Variants in HSD17B12 observed in about 807,000 individuals in gnomAD.
The protein encoded by HSD17B12 is hydroxysteroid 17-beta dehydrogenase 12.
Under a neutral mutation model 39.3 loss-of-function variants are expected in HSD17B12, and 32 were observed. That is an observed-to-expected ratio of 0.81 (90% CI 0.61 to 1.09). The LOEUF (loss-of-function observed/expected upper bound fraction) is 1.09. HSD17B12 is among the 50% of genes least tolerant of loss of function. The probability of loss-of-function intolerance (pLI) is 0.00; values close to 1 mark genes in which losing one functional copy is unlikely to be tolerated. For missense variants in HSD17B12, 342 were observed against 382.9 expected (o/e 0.89, Z 0.89); for synonymous variants, 150 against 146.7 (o/e 1.02, Z -0.16).
chr11:43,815,142 T>G (rs1951109874), intron 4 of HSD17B12, among the ~76,000 whole-genome samples: 2 of 152,102 alleles, frequency 1.3e-5, no homozygotes, highest in African/African-American at 4.8e-5. Context: ...AATAACAGTA[T>G]GATAGAGGCA....
rs185759173 is a variant in HSD17B12, at chr11:43,841,755, C to T, written c.684+1691C>T. On this transcript the variant is annotated intron_variant, in intron 9 of 10. Coordinates refer to ENST00000278353, the MANE Select transcript of HSD17B12 (RefSeq NM_016142.3). ...ATTTGTACCTCTTTGCTGCTCCTGC[C>T]TATCAGCTACCCCACCTCTGTGCAC... 9.2e-4 allele frequency among the ~76,000 whole-genome samples: 140 copies of T among 152,272 alleles called. 2 individuals carry two copies. Among genetic ancestry groups the T allele is most frequent in the Admixed American group, 9.0e-3 (137 of 15,294 alleles).
the HSD17B12 span, among the ~76,000 whole-genome samples, chr11:43,609,014 TC>T: frequency 6.6e-6 from 1 of 152,090 alleles, no homozygotes; most frequent in Non-Finnish European, 1.5e-5. Flanking sequence ...AGCCTCGACC[TC>T]CTTGGGCTCA....
chr11:43,609,838 G>C, the HSD17B12 span, among the ~76,000 whole-genome samples: 1 of 152,192 alleles, frequency 6.6e-6, no homozygotes, highest in Non-Finnish European at 1.5e-5. Context: ...TGAGAGGCTT[G>C]TACTACATGG....
the HSD17B12 span, among the ~76,000 whole-genome samples, chr11:43,571,582 T>C: frequency 6.6e-6 from 1 of 152,166 alleles, no homozygotes; most frequent in Non-Finnish European, 1.5e-5. Context: ...AGGAGGGCAT[T>C]TGAGTTTGCC....
At chr11:43,757,715 A>T (rs1370149583) in intron 3 of HSD17B12, among the ~76,000 whole-genome samples, 1 of 135,788 alleles carries the variant, frequency 7.4e-6, no homozygotes, top group Non-Finnish European at 1.6e-5. Flanking sequence ...AAAAGCACAC[A>T]CAAAAAAAAC....
chr11:43,713,177 C>A (rs1007402527), intron 1 of HSD17B12, among the ~76,000 whole-genome samples: 1 of 152,112 alleles, frequency 6.6e-6, no homozygotes, highest in Non-Finnish European at 1.5e-5. Flanking sequence ...ATGTGCACAA[C>A]GTGCAGGTTT....
At chr11:43,816,767 T>A (rs10838180) in intron 6 of HSD17B12, among the ~76,000 whole-genome samples, 3 of 151,544 alleles carry the variant, frequency 2.0e-5, no homozygotes, top group African/African-American at 7.3e-5. Flanking sequence ...TCCCTTACCC[T>A]CTTCCACCCT....
chr11:43,710,094 C>T (rs1950050954), intron 1 of HSD17B12, among the ~76,000 whole-genome samples: 4 of 152,108 alleles, frequency 2.6e-5, no homozygotes, highest in Admixed American at 2.6e-4. Context: ...TTGGGAGATA[C>T]GTTTCCCTAA....
At chr11:43,670,754 G>A in the HSD17B12 span, among the ~76,000 whole-genome samples, 153 of 152,106 alleles carry the variant, frequency 1.0e-3, no homozygotes, top group African/African-American at 3.5e-3. Flanking sequence ...GTGTGGTGCT[G>A]TGTGCCTGTA....
chr11:43,788,979 G>A (rs1451648208), intron 3 of HSD17B12, among the ~76,000 whole-genome samples: 4 of 152,112 alleles, frequency 2.6e-5, no homozygotes, highest in Admixed American at 6.6e-5. Context: ...TTGTTATCTT[G>A]GACCATACAA....
the HSD17B12 span, among the ~76,000 whole-genome samples, chr11:43,597,161 G>T: frequency 1.3e-5 from 2 of 152,198 alleles, no homozygotes; most frequent in African/African-American, 4.8e-5. Flanking sequence ...GAGTGCTGTG[G>T]CACTGAAAGG....
chr11:43,731,616 T>C (rs761526813), intron 1 of HSD17B12, among the ~76,000 whole-genome samples: 1 of 152,180 alleles, frequency 6.6e-6, no homozygotes, highest in Non-Finnish European at 1.5e-5. Context: ...GAGAGCTTTA[T>C]TTCTCATAAA....
At chr11:43,742,616 G>A (rs1950377998) in intron 1 of HSD17B12, among the ~76,000 whole-genome samples, 1 of 152,060 alleles carries the variant, frequency 6.6e-6, no homozygotes, top group African/African-American at 2.4e-5. Context: ...AGATCTAAAG[G>A]CTTTGTCATT....
intron 3 of HSD17B12, among the ~76,000 whole-genome samples, chr11:43,789,550 A>T (rs902271842): frequency 6.6e-6 from 1 of 152,150 alleles, no homozygotes; most frequent in Non-Finnish European, 1.5e-5. Flanking sequence ...TAGAATGGGA[A>T]ATCTTTTTGT....
intron 1 of HSD17B12, among the ~76,000 whole-genome samples, chr11:43,739,265 G>T (rs1422533683): frequency 6.6e-6 from 1 of 152,172 alleles, no homozygotes; most frequent in Admixed American, 6.5e-5. Context: ...AGAGAATTCT[G>T]TATGAGGTTC....
chr11:43,706,981 C>A (rs1950022275), intron 1 of HSD17B12, among the ~76,000 whole-genome samples: 4 of 151,890 alleles, frequency 2.6e-5, no homozygotes, highest in Admixed American at 2.6e-4. Flanking sequence ...ATTTCTGCCC[C>A]TTATTTGGTA....
chr11:43,563,739 G>T, the HSD17B12 span, among the ~76,000 whole-genome samples: 1 of 152,150 alleles, frequency 6.6e-6, no homozygotes, highest in Non-Finnish European at 1.5e-5. Flanking sequence ...GATGGCTTGA[G>T]CCTGGGAATT....
At chr11:43,688,623 A>G (rs923542802) in intron 1 of HSD17B12, among the ~76,000 whole-genome samples, 1 of 152,242 alleles carries the variant, frequency 6.6e-6, no homozygotes, top group African/African-American at 2.4e-5. Flanking sequence ...CCATTTAAAT[A>G]ACCTAGTCAT....
chr11:43,713,004 A>G (rs1950083873), intron 1 of HSD17B12, among the ~76,000 whole-genome samples: 2 of 152,208 alleles, frequency 1.3e-5, no homozygotes, highest in South Asian at 4.1e-4. Flanking sequence ...ATCATATTAG[A>G]AAAATTCAGT....
Sources: gnomAD v4.1 joint callset for allele counts (sites outside exome capture counted in the v4.1 genomes callset) on GRCh38, gnomAD v4.1.1 for gene constraint, MANE v1.5 for transcripts, NCBI Gene and HGNC (gene_info 2026-07-23, HGNC 2026-07-21) for gene names.